HHAT: variants seen among roughly 807,000 people sequenced by gnomAD.
HHAT encodes the protein hedgehog acyltransferase.
A neutral mutation model predicts 70.8 loss-of-function variants in HHAT; 47 were observed. That is an observed-to-expected ratio of 0.66 (90% CI 0.53 to 0.85). HHAT has a LOEUF of 0.85. HHAT is among the 40% of genes least tolerant of loss of function. The pLI is 0.00. For missense variants in HHAT, 609 were observed against 604.8 expected (o/e 1.01, Z -0.07); for synonymous variants, 228 against 247.6 (o/e 0.92, Z 0.74).
intron 11 of HHAT, among the ~76,000 whole-genome samples, chr1:210,644,085 A>G (rs550600986): frequency 2.0e-5 from 3 of 152,292 alleles, no homozygotes; most frequent in African/African-American, 7.2e-5. Flanking sequence ...GTTAGATCCA[A>G]AAAGATGTTG....
chr1:210,548,878 C>T (rs1032880845), intron 9 of HHAT, among the ~76,000 whole-genome samples: 2 of 152,296 alleles, frequency 1.3e-5, no homozygotes, highest in East Asian at 1.9e-4. Context: ...TGGCATTATT[C>T]CAATTGCTGT....
rs767748539 is a variant in HHAT at position 210,637,773 on chromosome 1, T to A, written c.1390+14103T>A. ...TACTCGGGAGGCTGAGGCAGGAGAA[T>A]CGCTTGAACCCAGGAGGCAGAGGTT... On this transcript the variant is annotated intron_variant, in intron 11 of 11. Transcript: ENST00000261458. 1.6e-4 allele frequency among the ~76,000 whole-genome samples: 24 copies of A among 150,184 alleles called. 1 individual carries two copies. Among genetic ancestry groups the A allele is most frequent in the Non-Finnish European group, 3.2e-4 (22 of 67,802 alleles).
At chr1:210,506,357 A>T (rs2094854459) in intron 8 of HHAT, among the ~76,000 whole-genome samples, 1 of 152,106 alleles carries the variant, frequency 6.6e-6, no homozygotes, top group Admixed American at 6.5e-5. Context: ...GAACTTGGAA[A>T]CTTGAGGCTT....
At chr1:210,598,303 C>T (rs1051919545) in intron 10 of HHAT, among the ~76,000 whole-genome samples, 2 of 151,792 alleles carry the variant, frequency 1.3e-5, no homozygotes, top group Non-Finnish European at 2.9e-5. Flanking sequence ...GGTTGGGGGA[C>T]GGGTGATGCA....
intron 1 of HHAT, among the ~76,000 whole-genome samples, chr1:210,334,125 C>A (rs1024217417): frequency 1.5e-4 from 22 of 148,956 alleles, no homozygotes; most frequent in Non-Finnish European, 2.7e-4. Context: ...TACATACAAC[C>A]CTACTTAGTG....
At chr1:210,513,356 G>A (rs899633494) in intron 9 of HHAT, among the ~76,000 whole-genome samples, 168 bp downstream of exon 9, 2 of 152,064 alleles carry the variant, frequency 1.3e-5, no homozygotes, top group Admixed American at 6.5e-5. Context: ...AGAATCACAC[G>A]ATTAAACAAT....
intron 11 of HHAT, among the ~76,000 whole-genome samples, chr1:210,673,224 A>G (rs1308472080): frequency 2.0e-5 from 3 of 151,836 alleles, no homozygotes; most frequent in Admixed American, 6.6e-5. Flanking sequence ...ACCCCTCACC[A>G]CTTAGAATTC....
At chr1:210,445,775 C>T (rs1017806461) in intron 7 of HHAT, among the ~76,000 whole-genome samples, 2 of 152,156 alleles carry the variant, frequency 1.3e-5, no homozygotes, top group African/African-American at 2.4e-5. Context: ...CTAGACATCT[C>T]CTGCCACCTG....
chr1:210,429,730 A>G (rs2093187670), intron 7 of HHAT, among the ~76,000 whole-genome samples: 1 of 151,872 alleles, frequency 6.6e-6, no homozygotes. Context: ...GTGGTGCCAG[A>G]TCTCTCCCTT....
chr1:210,541,821 G>C (rs999353985), intron 9 of HHAT, among the ~76,000 whole-genome samples: 3 of 152,168 alleles, frequency 2.0e-5, no homozygotes, highest in Admixed American at 6.5e-5. Flanking sequence ...CATCCCCCCT[G>C]GTCTCCTGGT....
intron 8 of HHAT, among the ~76,000 whole-genome samples, chr1:210,485,403 A>G (rs1055099132): frequency 1.3e-5 from 2 of 152,018 alleles, no homozygotes; most frequent in African/African-American, 4.8e-5. Context: ...CTTGTTCTTC[A>G]TATTTGCTTA....
chr1:210,663,940 C>A (rs1678341527), intron 11 of HHAT, among the ~76,000 whole-genome samples: 1 of 152,242 alleles, frequency 6.6e-6, no homozygotes, highest in African/African-American at 2.4e-5. Context: ...AAAGTGACAG[C>A]TGACCATTTT....
intron 9 of HHAT, among the ~76,000 whole-genome samples, chr1:210,561,712 T>G (rs1362593098): frequency 6.6e-6 from 1 of 152,262 alleles, no homozygotes; most frequent in African/African-American, 2.4e-5. Flanking sequence ...TTTTGATATA[T>G]GTACACATTG....
intron 7 of HHAT, among the ~76,000 whole-genome samples, chr1:210,453,770 A>G (rs1187509395): frequency 6.6e-6 from 1 of 152,218 alleles, no homozygotes; most frequent in Non-Finnish European, 1.5e-5. Context: ...TTTGCAATAG[A>G]ATCCTTTAAT....
At chr1:210,327,819 A>C (rs1402884893), upstream of HHAT, among the ~76,000 whole-genome samples, 2 of 152,168 alleles carry the variant, frequency 1.3e-5, no homozygotes, top group Admixed American at 6.5e-5. Flanking sequence ...ATTCAATTTT[A>C]ATTGAGTATG....
At chr1:210,382,206 C>T (rs972684226) in intron 3 of HHAT, among the ~76,000 whole-genome samples, 5 of 152,136 alleles carry the variant, frequency 3.3e-5, no homozygotes, top group African/African-American at 9.7e-5. Context: ...AACTTTCTTC[C>T]CTAGTGACAT....
At chr1:210,519,023 A>T (rs1042532613) in intron 9 of HHAT, among the ~76,000 whole-genome samples, 5 of 152,178 alleles carry the variant, frequency 3.3e-5, no homozygotes, top group African/African-American at 1.2e-4. Context: ...GAGTCTTGGG[A>T]GGTCATTTCA....
intron 9 of HHAT, among the ~76,000 whole-genome samples, chr1:210,564,565 A>G (rs1489096939): frequency 6.6e-6 from 1 of 152,248 alleles, no homozygotes. Flanking sequence ...ATGTGTATTT[A>G]TAGAAAAATG....
intron 8 of HHAT, among the ~76,000 whole-genome samples, chr1:210,468,405 C>T (rs2094143832): frequency 6.6e-6 from 1 of 152,176 alleles, no homozygotes. Context: ...TTTCAGGAAT[C>T]CTGCACAGCT....
Sources: gnomAD v4.1 joint callset for allele counts (sites outside exome capture counted in the v4.1 genomes callset) on GRCh38, gnomAD v4.1.1 for gene constraint, MANE v1.5 for transcripts, NCBI Gene and HGNC (gene_info 2026-07-23, HGNC 2026-07-21) for gene names.